The following ERBB4 variants were observed in gnomAD, a reference collection of about 807,000 sequenced individuals.
ERBB4 encodes the protein erb-b2 receptor tyrosine kinase 4.
Under a neutral mutation model 158.0 loss-of-function variants are expected in ERBB4, and 42 were observed. The ratio of observed to expected loss-of-function variants is 0.27; its 90% CI spans 0.21 to 0.34. ERBB4 has a LOEUF of 0.34. Ranked by LOEUF, ERBB4 falls within the 10% of genes least tolerant of loss-of-function variation. ERBB4 has a pLI of 1.00. For synonymous variants in ERBB4, 583 were observed against 558.7 expected (o/e 1.04, Z -0.61); for missense variants, 1,333 against 1,624.1 (o/e 0.82, Z 3.08).
At chr2:212,041,227 C>T (rs909561938) in intron 2 of ERBB4, among the ~76,000 whole-genome samples, 90 of 152,080 alleles carry the variant, frequency 5.9e-4, no homozygotes, top group African/African-American at 2.1e-3. Flanking sequence ...AAACGGTAAA[C>T]GGGTTACAAA....
intron 1 of ERBB4, among the ~76,000 whole-genome samples, chr2:212,312,491 AT>A (rs1191938889): frequency 2.7e-5 from 4 of 150,772 alleles, no homozygotes; most frequent in African/African-American, 4.9e-5. Flanking sequence ...GTGCACTAAA[AT>A]TTTTTTTCTT....
At chr2:211,652,699 A>AG (rs1338049691) in intron 16 of ERBB4, among the ~76,000 whole-genome samples, 1 of 152,220 alleles carries the variant, frequency 6.6e-6, no homozygotes, top group Non-Finnish European at 1.5e-5. Flanking sequence ...AGCTGCCCAA[A>AG]GGAGATTTAG....
chr2:211,436,852 A>C (rs147607825), intron 20 of ERBB4, among the ~76,000 whole-genome samples: 11 of 152,226 alleles, frequency 7.2e-5, no homozygotes, highest in Admixed American at 5.9e-4. Context: ...AAGAAAAATT[A>C]GGAGACATAT....
chr2:211,418,647 A>T (rs1335600512), intron 25 of ERBB4, among the ~76,000 whole-genome samples: 3 of 152,162 alleles, frequency 2.0e-5, no homozygotes, highest in Non-Finnish European at 2.9e-5. Flanking sequence ...AAAAAGAAAA[A>T]GATTTATAGC....
At chr2:212,094,935 T>C (rs2078884430) in intron 2 of ERBB4, among the ~76,000 whole-genome samples, 1 of 152,192 alleles carries the variant, frequency 6.6e-6, no homozygotes, top group Non-Finnish European at 1.5e-5. Context: ...TTACTTTCAT[T>C]AAAGGAAATT....
chr2:211,810,662 C>CTTTTTTTT (rs59305629), intron 3 of ERBB4, among the ~76,000 whole-genome samples: 5 of 101,518 alleles, frequency 4.9e-5, no homozygotes, highest in Non-Finnish European at 7.2e-5. Context: ...CAGTCTCTGT[C>CTTTTTTTT]TTTTTTTTTT....
intron 2 of ERBB4, among the ~76,000 whole-genome samples, chr2:212,111,553 T>C (rs1180308818): frequency 6.6e-6 from 1 of 152,150 alleles, no homozygotes; most frequent in Non-Finnish European, 1.5e-5. Flanking sequence ...TTCCTCCACA[T>C]CTGTGAATAG....
At chr2:211,822,840 C>T (rs534930160) in intron 3 of ERBB4, among the ~76,000 whole-genome samples, 158 of 152,170 alleles carry the variant, frequency 1.0e-3, no homozygotes, top group African/African-American at 3.6e-3. Flanking sequence ...CAAAAGCACA[C>T]TTTCCTATCA....
intron 20 of ERBB4, among the ~76,000 whole-genome samples, chr2:211,516,428 G>A (rs986562564): frequency 6.6e-6 from 1 of 151,312 alleles, no homozygotes; most frequent in Non-Finnish European, 1.5e-5. Flanking sequence ...CTGCCTCCTG[G>A]GTTCAAGCGA....
At chr2:212,471,854 T>G (rs543348010) in intron 1 of ERBB4, among the ~76,000 whole-genome samples, 38 of 151,880 alleles carry the variant, frequency 2.5e-4, no homozygotes, top group Non-Finnish European at 5.0e-4. Flanking sequence ...CAAATCTAGA[T>G]TATATTTACC....
intron 19 of ERBB4, among the ~76,000 whole-genome samples, chr2:211,593,148 C>CA (rs1399972449): frequency 6.6e-6 from 1 of 151,690 alleles, no homozygotes; most frequent in African/African-American, 2.4e-5. Context: ...GTCAATGGGG[C>CA]AAAAAAGCAG....
intron 2 of ERBB4, among the ~76,000 whole-genome samples, chr2:212,001,762 A>G (rs936305019): frequency 6.6e-6 from 1 of 152,198 alleles, no homozygotes; most frequent in South Asian, 2.1e-4. Context: ...TCTTGATATG[A>G]AGGAAACATT....
At chr2:212,188,549 G>A (rs975102687) in intron 1 of ERBB4, among the ~76,000 whole-genome samples, 2 of 151,610 alleles carry the variant, frequency 1.3e-5, no homozygotes, top group African/African-American at 4.8e-5. Flanking sequence ...AAGGCTTCCC[G>A]TGGTTTTAGT....
intron 2 of ERBB4, among the ~76,000 whole-genome samples, chr2:212,012,024 A>C (rs188595477): frequency 2.4e-4 from 36 of 152,366 alleles, no homozygotes; most frequent in African/African-American, 8.7e-4. Context: ...TTATACAGGA[A>C]AGTTAGGATC....
At position 212,040,812 on chromosome 2, in the gene ERBB4, C is replaced by T. The variant is rs1385496333; in HGVS notation, c.234+83940G>A. On this transcript the variant is annotated intron_variant, in intron 2 of 27. Coordinates refer to ENST00000342788, the MANE Select transcript of ERBB4 (RefSeq NM_005235.3). ...GCTCTGCTTCATGGGCTTTTCACTGCCGTGAGATTGATTTTTACCCTTTGC... is the reference window on the plus strand; with the variant it reads ...GCTCTGCTTCATGGGCTTTTCACTGTCGTGAGATTGATTTTTACCCTTTGC... 2.0e-5 allele frequency among the ~76,000 whole-genome samples: 3 copies of T among 152,038 alleles called. No individual in the cohort carries two copies. The East Asian group carries it at 5.8e-4, about 29-fold the overall frequency.
At chr2:212,224,531 T>G (rs949066069) in intron 1 of ERBB4, among the ~76,000 whole-genome samples, 2 of 151,964 alleles carry the variant, frequency 1.3e-5, no homozygotes, top group African/African-American at 4.8e-5. Context: ...AAAAACGTAT[T>G]GCTCTTTTGC....
intron 25 of ERBB4, among the ~76,000 whole-genome samples, chr2:211,405,752 C>A (rs575499761): frequency 6.6e-6 from 1 of 152,228 alleles, no homozygotes; most frequent in South Asian, 2.1e-4. Flanking sequence ...TGTCATGAAT[C>A]AAGAATAATA....
At chr2:211,675,873 C>T (rs1462770425) in intron 13 of ERBB4, among the ~76,000 whole-genome samples, 2 of 147,720 alleles carry the variant, frequency 1.4e-5, no homozygotes, top group African/African-American at 4.9e-5. Flanking sequence ...TCAGTAGTTT[C>T]AAAAATGGCC....
intron 7 of ERBB4, among the ~76,000 whole-genome samples, chr2:211,714,503 G>A (rs1385890674): frequency 1.3e-5 from 2 of 152,122 alleles, no homozygotes; most frequent in Non-Finnish European, 2.9e-5. Context: ...TTGCTACTTG[G>A]GCCATAAAAC....
Sources: allele counts gnomAD v4.1 joint callset (sites outside exome capture counted in the v4.1 genomes callset), GRCh38; gene constraint gnomAD v4.1.1; transcripts MANE v1.5; gene names NCBI Gene and HGNC (gene_info 2026-07-23, HGNC 2026-07-21).